TECRL: variants seen among roughly 807,000 people sequenced by gnomAD.
TECRL encodes the protein trans-2,3-enoyl-CoA reductase-like.
In TECRL, 63 loss-of-function variants were observed where a neutral mutation model predicts 52.8. The observed-to-expected ratio is 1.19, with a 90% CI of 0.97 to 1.47. The LOEUF (loss-of-function observed/expected upper bound fraction) is 1.47. Ranked by LOEUF, TECRL falls within the 40% of genes most tolerant of loss-of-function variation. The pLI, the probability that TECRL is intolerant of heterozygous loss-of-function variation, is 0.00. For synonymous variants in TECRL, 164 were observed against 141.9 expected, an observed-to-expected ratio of 1.16 and a Z score of -1.10; for missense variants, 482 against 429.6, an observed-to-expected ratio of 1.12 and a Z score of -1.08.
chr4:64,370,584 A>T, intron 2 of TECRL, among the ~76,000 whole-genome samples: 1 of 151,864 alleles, frequency 6.6e-6, no homozygotes, highest in East Asian at 1.9e-4. Flanking sequence ...AGTCCACACA[A>T]AATCAGTGAG....
chr4:64,279,583 T>C lies in TECRL; in HGVS notation c.*489A>G, dbSNP rs191088882. 1 of 184,670 alleles carries C rather than the reference T, an allele frequency of 5.4e-6. No individual in the cohort carries two copies. The highest frequency in any genetic ancestry group is 1.9e-4 in the East Asian group (1 of 5,340). The allele number at this position is 184,670 out of a possible 1,614,324, so 11.4% of individuals were successfully genotyped here. ...CACCACGGCTGTCATATTTTTTGTC[T>C]TTTTGAAAATAGTCACCTTAATTAG... On this transcript the variant is annotated 3_prime_UTR_variant, in exon 12 of 12. Transcript: ENST00000381210.
intron 3 of TECRL, among the ~76,000 whole-genome samples, chr4:64,324,718 T>C (rs1718134305): frequency 6.6e-6 from 1 of 152,112 alleles, no homozygotes; most frequent in Non-Finnish European, 1.5e-5. Flanking sequence ...AACAATTTCA[T>C]AGTTATATTT....
chr4:64,354,642 G>T (rs1720638832), intron 2 of TECRL, among the ~76,000 whole-genome samples: 1 of 152,284 alleles, frequency 6.6e-6, no homozygotes, highest in African/African-American at 2.4e-5. Context: ...GACAGAGAAA[G>T]AATAAGGTTA....
intron 2 of TECRL, among the ~76,000 whole-genome samples, chr4:64,374,052 C>CATATATATATATATAGTAGATATATAT (rs1560538656): frequency 9.4e-6 from 1 of 106,014 alleles, no homozygotes; most frequent in Non-Finnish European, 1.8e-5. Flanking sequence ...ATAGTAGATA[C>CATATATATATATATAGTAGATATATAT]ATATATATAT....
chr4:64,276,869 A>G (rs1437135730), downstream of TECRL: 2 of 410,310 alleles, frequency 4.9e-6, no homozygotes, highest in African/African-American at 4.0e-5. Flanking sequence ...ACCCATATAC[A>G]TATGCATATG....
intron 1 of TECRL, among the ~76,000 whole-genome samples, chr4:64,384,868 G>A (rs1158308321): frequency 1.3e-5 from 2 of 152,190 alleles, no homozygotes; most frequent in Non-Finnish European, 2.9e-5. Context: ...GGTGGTCCCA[G>A]CTTGGGTGGG....
At chr4:64,328,616 T>C in intron 2 of TECRL, 60 bp from the exon 3 acceptor site, 1 of 1,435,604 alleles carries the variant, frequency 7.0e-7, no homozygotes, top group Non-Finnish European at 9.7e-7. Context: ...CTTATAAAAC[T>C]AACTGTTTCC....
intron 9 of TECRL, among the ~76,000 whole-genome samples, chr4:64,288,928 C>T (rs1332624899): frequency 6.6e-6 from 1 of 152,174 alleles, no homozygotes; most frequent in Non-Finnish European, 1.5e-5. Flanking sequence ...AGTTTTGCCT[C>T]ATCCACCATA....
chr4:64,307,101 G>T (rs1724384126), intron 6 of TECRL, among the ~76,000 whole-genome samples: 1 of 152,130 alleles, frequency 6.6e-6, no homozygotes, highest in Admixed American at 6.6e-5. Context: ...CCCCTGGGCA[G>T]GAAGAAGGGG....
chr4:64,340,228 C>T (rs574672224), intron 2 of TECRL, among the ~76,000 whole-genome samples: 4 of 152,270 alleles, frequency 2.6e-5, no homozygotes, highest in African/African-American at 9.6e-5. Context: ...TCCCTGGGTT[C>T]TACTGCAGCC....
intron 1 of TECRL, among the ~76,000 whole-genome samples, chr4:64,405,806 G>A (rs1216432495): frequency 6.6e-6 from 1 of 152,068 alleles, no homozygotes; most frequent in African/African-American, 2.4e-5. Flanking sequence ...AGCCAACGAA[G>A]TTGGTTAAAA....
chr4:64,338,777 G>A (rs968355706), intron 2 of TECRL, among the ~76,000 whole-genome samples: 1 of 152,164 alleles, frequency 6.6e-6, no homozygotes, highest in Non-Finnish European at 1.5e-5. Context: ...AAAAAGTCAG[G>A]AAACAACAGG....
intron 2 of TECRL, among the ~76,000 whole-genome samples, chr4:64,373,883 ATTTAT>A (rs1722153980): frequency 6.7e-6 from 1 of 149,666 alleles, no homozygotes; most frequent in Non-Finnish European, 1.5e-5. Context: ...ATTAAAATAA[ATTTAT>A]TTTAAGTAGA....
At chr4:64,331,592 A>G (rs1718645235) in intron 2 of TECRL, among the ~76,000 whole-genome samples, 2 of 152,184 alleles carry the variant, frequency 1.3e-5, no homozygotes. Flanking sequence ...CACCTAAATC[A>G]CTTAAAGATG....
intron 7 of TECRL, among the ~76,000 whole-genome samples, chr4:64,304,218 A>C (rs1724192901): frequency 1.3e-5 from 2 of 151,950 alleles, no homozygotes; most frequent in African/African-American, 4.8e-5. Context: ...TAATAAGTAC[A>C]TCTTATAAAA....
At chr4:64,380,587 A>C (rs1577966228) in intron 1 of TECRL, among the ~76,000 whole-genome samples, 1 of 152,172 alleles carries the variant, frequency 6.6e-6, no homozygotes, top group African/African-American at 2.4e-5. Flanking sequence ...GTGTTTGATA[A>C]AAGATGGGGT....
At chr4:64,382,693 C>A (rs188766518) in intron 1 of TECRL, among the ~76,000 whole-genome samples, 63 of 152,028 alleles carry the variant, frequency 4.1e-4, no homozygotes, top group Middle Eastern at 3.4e-3. Context: ...AAAATTTAAT[C>A]TCTTTATATT....
chr4:64,374,571 C>T (rs1263921591), intron 2 of TECRL, among the ~76,000 whole-genome samples: 1 of 151,980 alleles, frequency 6.6e-6, no homozygotes, highest in Non-Finnish European at 1.5e-5. Flanking sequence ...CTCCCCCCAC[C>T]CCACCACAGG....
At chr4:64,334,254 A>T (rs1047442303) in intron 2 of TECRL, among the ~76,000 whole-genome samples, 1 of 152,078 alleles carries the variant, frequency 6.6e-6, no homozygotes, top group Non-Finnish European at 1.5e-5. Flanking sequence ...TTGGCTGCTG[A>T]TTTAATATTG....
Sources: allele counts gnomAD v4.1 joint callset (sites outside exome capture counted in the v4.1 genomes callset), GRCh38; gene constraint gnomAD v4.1.1; transcripts MANE v1.5; gene names NCBI Gene and HGNC (gene_info 2026-07-23, HGNC 2026-07-21).